MYOM1: variants seen among roughly 807,000 people sequenced by gnomAD.
MYOM1 encodes the protein myomesin-1.
MYOM1 carries 164 observed loss-of-function variants against 205.3 expected under a neutral mutation model. The observed-to-expected ratio is 0.80, with a 90% CI of 0.70 to 0.91. MYOM1 has a LOEUF of 0.91. Among genes scored for constraint, MYOM1 ranks in the 40% least tolerant of loss-of-function variants. MYOM1 has a pLI of 0.00. For missense variants in MYOM1, 2,011 were observed against 2,127.3 expected, an observed-to-expected ratio of 0.95 and a Z score of 1.08; for synonymous variants, 772 against 789.4, an observed-to-expected ratio of 0.98 and a Z score of 0.37.
chr18:3,119,810 G>T, intron 20 of MYOM1, 59 bp downstream of exon 20: 1 of 1,553,902 alleles, frequency 6.4e-7, no homozygotes, highest in Admixed American at 1.9e-5. Flanking sequence ...ATTCCAGGTT[G>T]TAGGTTCTCT....
intron 2 of MYOM1, among the ~76,000 whole-genome samples, chr18:3,207,712 G>C (rs2081141968): frequency 6.6e-6 from 1 of 152,220 alleles, no homozygotes; most frequent in Admixed American, 6.5e-5. Flanking sequence ...TGGAGGCCAA[G>C]GGCCTGCAGG....
At chr18:3,176,774 C>T (rs2144100055) in intron 5 of MYOM1, among the ~76,000 whole-genome samples, 1 of 152,122 alleles carries the variant, frequency 6.6e-6, no homozygotes, top group Non-Finnish European at 1.5e-5. Context: ...CCCAGCTACT[C>T]AGGAGGCTCA....
Position 3,071,135 on chromosome 18 carries a change from C to T in MYOM1, c.4764+699G>A, listed in dbSNP as rs182825911. ...ATTATTAAAAAAAGAAAGAAAGAAG[C>T]CTGTTTTCAACAGAACTAGAGCCTA... On this transcript the variant is annotated intron_variant, in intron 37 of 37. Coordinates refer to ENST00000356443, the MANE Select transcript of MYOM1 (RefSeq NM_003803.4). Among the ~76,000 whole-genome samples the T allele has an allele frequency of 2.8e-3, 422 of 152,226 alleles. 1 individual carries two copies. The highest frequency in any genetic ancestry group is 9.8e-3 in the African/African-American group (405 of 41,528).
chr18:3,200,695 TA>T (rs1359012210), intron 2 of MYOM1, among the ~76,000 whole-genome samples: 4 of 151,104 alleles, frequency 2.6e-5, no homozygotes, highest in Non-Finnish European at 4.4e-5. Context: ...CAAAGAGAGA[TA>T]AAAGAATAAA....
chr18:3,173,989 CT>C lies in MYOM1; in HGVS notation c.1122del (p.Glu375SerfsTer20), dbSNP rs1292871061. ...YASVVVKRYK[G>X]EFDETRFHAG... is the part of the protein sequence containing the mutation. ...GCGTGGAAGCGAGTCTCATCAAACT[CT>C]CCCTTATACCCTAGAGAAGAAAACA... On this transcript the variant is annotated frameshift_variant, in exon 8 of 38. Transcript: ENST00000356443. LOFTEE classifies it high-confidence loss of function. 8.7e-6 allele frequency: 14 copies of C among 1,613,020 alleles called. No individual in the cohort carries two copies. Among genetic ancestry groups the C allele is most frequent in the Admixed American group, 1.7e-5 (1 of 59,930 alleles).
chr18:3,095,068 T>C (rs531700258), intron 25 of MYOM1, among the ~76,000 whole-genome samples: 2 of 152,324 alleles, frequency 1.3e-5, no homozygotes, highest in South Asian at 2.1e-4. Context: ...AAGGGATGAT[T>C]TTCTTTGCAT....
chr18:3,092,355 C>T (rs551710523), intron 26 of MYOM1, among the ~76,000 whole-genome samples: 1 of 152,138 alleles, frequency 6.6e-6, no homozygotes, highest in East Asian at 1.9e-4. Flanking sequence ...TATGCCTCAC[C>T]AATTTTTAAA....
At chr18:3,091,029 A>G (rs749231309) in intron 26 of MYOM1, among the ~76,000 whole-genome samples, 2 of 152,100 alleles carry the variant, frequency 1.3e-5, no homozygotes, top group Non-Finnish European at 2.9e-5. Context: ...AAAAATAGAA[A>G]AATAGGCTAG....
Position 3,094,256 on chromosome 18 carries a change from C to A in MYOM1, c.3778G>T (p.Val1260Phe), listed in dbSNP as rs759461350. ...TTCTCAGCCTGCATCCAAAACCGGA[C>A]CTGGCCTTTCTCCAAAATTTCAACT... ...LAVEILEKGQ[V>F]RFWMQAEKLS... Residue 1260 changes from valine to phenylalanine, a missense_variant, in exon 26 of 38, where the codon GTC (valine) becomes TTC (phenylalanine). By Grantham distance (50) the Val-to-Phe change is conservative. Coordinates refer to ENST00000356443, the MANE Select transcript of MYOM1 (RefSeq NM_003803.4). The A allele has an allele frequency of 5.0e-6, 8 of 1,613,870 alleles. No homozygotes were observed. Among genetic ancestry groups the A allele is most frequent in the Non-Finnish European group, 6.8e-6 (8 of 1,179,838 alleles).
chr18:3,243,689 C>T, the MYOM1 span, among the ~76,000 whole-genome samples: 15,120 of 152,210 alleles, frequency 0.099, 781 homozygotes, highest in Admixed American at 0.11. Context: ...CAATCAGAGA[C>T]AGGATTTATA....
intron 12 of MYOM1, among the ~76,000 whole-genome samples, chr18:3,150,364 T>G (rs553699237): frequency 2.6e-5 from 4 of 152,040 alleles, no homozygotes; most frequent in African/African-American, 9.6e-5. Context: ...GCCCAGCCAG[T>G]GACATTATTT....
chr18:3,212,043 T>A (rs2081196819), intron 2 of MYOM1, among the ~76,000 whole-genome samples: 1 of 152,174 alleles, frequency 6.6e-6, no homozygotes, highest in Non-Finnish European at 1.5e-5. Context: ...TTTGAAGTGT[T>A]CAAAAAATAT....
chr18:3,120,436 T>G (rs1003496487), intron 19 of MYOM1, among the ~76,000 whole-genome samples: 1 of 152,084 alleles, frequency 6.6e-6, no homozygotes, highest in African/African-American at 2.4e-5. Context: ...CCACTCACAT[T>G]TGGAGAAAGG....
intron 22 of MYOM1, among the ~76,000 whole-genome samples, chr18:3,108,781 C>T (rs1017840916): frequency 3.3e-5 from 5 of 151,704 alleles, no homozygotes; most frequent in African/African-American, 7.3e-5. Context: ...CCTTGTGATC[C>T]GCCTGTCTTG....
Position 3,102,418 on chromosome 18 carries a change from C to T in MYOM1, c.3575+56G>A, listed in dbSNP as rs2079391289. ...CAATTTAAGTGGAAATCAGAGCTCA[C>T]CTCATTCTCCTACAGTGAAAAGGAA... On this transcript the variant is annotated intron_variant, in intron 23 of 37. Coordinates refer to ENST00000356443, the MANE Select transcript of MYOM1 (RefSeq NM_003803.4). The T allele has an allele frequency of 2.0e-6, 3 of 1,501,736 alleles. No homozygotes were observed. The African/African-American group carries it at 4.2e-5, about 21-fold the overall frequency. The allele number at this position is 1,501,736 out of a possible 1,614,324, so 93.0% of individuals were successfully genotyped here. A position where few individuals can be genotyped will look rare whatever the true frequency, so the allele number is the denominator to read the frequency against.
intron 14 of MYOM1, among the ~76,000 whole-genome samples, chr18:3,139,673 C>T (rs905177861): frequency 2.6e-5 from 4 of 152,218 alleles, no homozygotes; most frequent in African/African-American, 7.2e-5. Flanking sequence ...GGTCCCTGGA[C>T]GTGCTCTGTG....
intron 33 of MYOM1, among the ~76,000 whole-genome samples, chr18:3,082,920 A>G (rs1341755847): frequency 1.3e-5 from 2 of 152,206 alleles, no homozygotes; most frequent in African/African-American, 4.8e-5. Flanking sequence ...GCCAGATGCT[A>G]TAACAACAAC....
At chr18:3,114,569 T>TTTTTTTTG (rs1349795714) in intron 21 of MYOM1, among the ~76,000 whole-genome samples, 5 of 131,994 alleles carry the variant, frequency 3.8e-5, no homozygotes, top group African/African-American at 5.4e-5. Context: ...TTTTTTTTTT[T>TTTTTTTTG]AGAGACAGGG....
intron 10 of MYOM1, among the ~76,000 whole-genome samples, chr18:3,162,200 G>A (rs1002636331): frequency 2.6e-5 from 4 of 152,108 alleles, no homozygotes; most frequent in Non-Finnish European, 5.9e-5. Context: ...TTCCTGAGGC[G>A]AGCCAATTCT....
Sources: allele counts gnomAD v4.1 joint callset (sites outside exome capture counted in the v4.1 genomes callset), GRCh38; gene constraint gnomAD v4.1.1; transcripts MANE v1.5; gene names NCBI Gene and HGNC (gene_info 2026-07-23, HGNC 2026-07-21).